Variants in WWOX observed in about 807,000 individuals in gnomAD.
WWOX encodes the protein WW domain containing oxidoreductase, also known as WW domain-containing oxidoreductase.
In WWOX, 69 loss-of-function variants were observed where a neutral mutation model predicts 46.2. The ratio of observed to expected loss-of-function variants is 1.49; its 90% CI spans 1.23 to 1.82. The LOEUF (loss-of-function observed/expected upper bound fraction) is 1.82. WWOX is among the 40% of genes most tolerant of loss of function. The probability of loss-of-function intolerance (pLI) is 0.00; values close to 1 mark genes in which losing one functional copy is unlikely to be tolerated. For missense variants in WWOX, 919 were observed against 542.6 expected (o/e 1.69, Z -6.89); for synonymous variants, 359 against 202.6 (o/e 1.77, Z -6.56).
chr16:78,106,248 G>C (rs543659437), intron 1 of WWOX, among the ~76,000 whole-genome samples: 1 of 152,298 alleles, frequency 6.6e-6, no homozygotes, highest in South Asian at 2.1e-4. Context: ...TTGAGACACA[G>C]CTCTGCAAGG....
intron 8 of WWOX, among the ~76,000 whole-genome samples, chr16:78,479,716 A>G (rs1279748764): frequency 3.3e-5 from 5 of 152,308 alleles, no homozygotes; most frequent in African/African-American, 9.6e-5. Context: ...AAGGGCCAGG[A>G]CACGAAATAT....
intron 8 of WWOX, among the ~76,000 whole-genome samples, chr16:78,538,108 A>G (rs538638765): frequency 6.6e-6 from 1 of 152,030 alleles, no homozygotes; most frequent in East Asian, 1.9e-4. Flanking sequence ...ATTTGGAAGA[A>G]CAAATTTAAG....
At chr16:78,976,037 G>A (rs2046566191) in intron 8 of WWOX, among the ~76,000 whole-genome samples, 1 of 152,168 alleles carries the variant, frequency 6.6e-6, no homozygotes, top group African/African-American at 2.4e-5. Context: ...GGTGCGTTTA[G>A]CCAGCGCCCC....
chr16:78,259,872 T>C (rs968349398), intron 5 of WWOX, among the ~76,000 whole-genome samples: 2 of 151,388 alleles, frequency 1.3e-5, no homozygotes, highest in African/African-American at 4.9e-5. Context: ...TGTTTATGCT[T>C]ATATTATTTA....
chr16:78,992,250 A>G (rs762175731), intron 8 of WWOX, among the ~76,000 whole-genome samples: 30 of 152,196 alleles, frequency 2.0e-4, no homozygotes, highest in Middle Eastern at 3.4e-3. Context: ...CTTCTGTAAG[A>G]CCAACTCCCT....
intron 8 of WWOX, among the ~76,000 whole-genome samples, chr16:78,718,219 T>C (rs761590740): frequency 3.3e-5 from 5 of 152,062 alleles, no homozygotes; most frequent in Non-Finnish European, 5.9e-5. Context: ...TGCACATTTG[T>C]AAACAATTAT....
chr16:79,050,548 C>G (rs1298408215), intron 8 of WWOX, among the ~76,000 whole-genome samples: 3 of 152,192 alleles, frequency 2.0e-5, no homozygotes, highest in African/African-American at 2.4e-5. Context: ...AGGGAGGATA[C>G]TGCAGTCCCA....
At chr16:78,194,827 T>C (rs1188934256) in intron 5 of WWOX, among the ~76,000 whole-genome samples, 3 of 152,160 alleles carry the variant, frequency 2.0e-5, no homozygotes, top group Non-Finnish European at 4.4e-5. Context: ...CCTCTACTCT[T>C]TTTATTCTTA....
chr16:79,000,802 C>T (rs2047077799), intron 8 of WWOX, among the ~76,000 whole-genome samples: 1 of 152,324 alleles, frequency 6.6e-6, no homozygotes, highest in Admixed American at 6.5e-5. Context: ...AAGCCCCTTT[C>T]TTGGGAAGTT....
chr16:78,827,569 A>T (rs1053461246), intron 8 of WWOX, among the ~76,000 whole-genome samples: 1 of 152,034 alleles, frequency 6.6e-6, no homozygotes, highest in Non-Finnish European at 1.5e-5. Context: ...GTGGTAGCTC[A>T]TGCCTGTAAT....
intron 5 of WWOX, among the ~76,000 whole-genome samples, chr16:78,190,175 T>A (rs977913274): frequency 1.3e-5 from 2 of 152,220 alleles, no homozygotes; most frequent in Admixed American, 1.3e-4. Context: ...AGATGAGCAC[T>A]TGGCTTAGGC....
chr16:78,800,629 A>G (rs563942724), intron 8 of WWOX, among the ~76,000 whole-genome samples: 2 of 152,358 alleles, frequency 1.3e-5, no homozygotes, highest in Non-Finnish European at 2.9e-5. Context: ...TTGCAGTGGC[A>G]GCTGACGGCC....
intron 5 of WWOX, among the ~76,000 whole-genome samples, chr16:78,206,454 C>A (rs1288304366): frequency 6.6e-6 from 1 of 152,044 alleles, no homozygotes; most frequent in Non-Finnish European, 1.5e-5. Flanking sequence ...ATGTTGACCC[C>A]ATTTTGGTCT....
At chr16:78,469,431 G>T (rs1049661024) in intron 8 of WWOX, among the ~76,000 whole-genome samples, 1 of 152,162 alleles carries the variant, frequency 6.6e-6, no homozygotes, top group South Asian at 2.1e-4. Context: ...AACCAAAAGT[G>T]AGCAACAAGG....
intron 8 of WWOX, among the ~76,000 whole-genome samples, chr16:79,093,378 C>T (rs1163458965): frequency 6.6e-6 from 1 of 152,128 alleles, no homozygotes; most frequent in Non-Finnish European, 1.5e-5. Flanking sequence ...TGAGTCCTTT[C>T]AATTATGAGA....
chr16:78,536,395 G>A (rs1245696007), intron 8 of WWOX, among the ~76,000 whole-genome samples: 1 of 151,886 alleles, frequency 6.6e-6, no homozygotes, highest in Non-Finnish European at 1.5e-5. Context: ...CCAAGATAAT[G>A]TAATCTGCCC....
At chr16:78,266,542 G>C (rs1030236721) in intron 5 of WWOX, among the ~76,000 whole-genome samples, 6 of 152,272 alleles carry the variant, frequency 3.9e-5, no homozygotes, top group African/African-American at 1.4e-4. Context: ...AGCATAGGGT[G>C]ACCATAAGAC....
At chr16:79,209,263 C>T (rs901844277) in intron 8 of WWOX, among the ~76,000 whole-genome samples, 5 of 152,192 alleles carry the variant, frequency 3.3e-5, no homozygotes, top group African/African-American at 9.6e-5. Context: ...CCAGCTCCTG[C>T]AACAATGGCA....
chr16:78,634,399 A>T (rs1039202602), intron 8 of WWOX, among the ~76,000 whole-genome samples: 1 of 152,018 alleles, frequency 6.6e-6, no homozygotes, highest in Non-Finnish European at 1.5e-5. Context: ...TGGGAGAGCA[A>T]GTGGAGCTGT....
Sources: allele counts gnomAD v4.1 joint callset (sites outside exome capture counted in the v4.1 genomes callset), GRCh38; gene constraint gnomAD v4.1.1; transcripts MANE v1.5; gene names NCBI Gene and HGNC (gene_info 2026-07-23, HGNC 2026-07-21).